RPH3A: variants seen among roughly 807,000 people sequenced by gnomAD.
The protein encoded by RPH3A is rabphilin 3A.
Under a neutral mutation model 102.2 loss-of-function variants are expected in RPH3A, and 48 were observed. The observed-to-expected ratio is 0.47, with a 90% CI of 0.37 to 0.60. The LOEUF is 0.60. Among genes scored for constraint, RPH3A ranks in the 20% least tolerant of loss-of-function variants. The pLI is 0.00. For synonymous variants in RPH3A, 310 were observed against 324.3 expected, an observed-to-expected ratio of 0.96 and a Z score of 0.47; for missense variants, 781 against 910.1, an observed-to-expected ratio of 0.86 and a Z score of 1.83.
At chr12:112,771,797 G>T (rs569381141) in intron 1 of RPH3A, among the ~76,000 whole-genome samples, 22 of 152,236 alleles carry the variant, frequency 1.4e-4, no homozygotes, top group Non-Finnish European at 3.2e-4. Flanking sequence ...AATCTATTTA[G>T]TAAGTTGTAA....
intron 1 of RPH3A, among the ~76,000 whole-genome samples, chr12:112,772,761 T>TG (rs918439824): frequency 1.3e-5 from 2 of 152,050 alleles, no homozygotes; most frequent in Non-Finnish European, 2.9e-5. Context: ...CATAAGTTAT[T>TG]GGGGTACAGG....
At chr12:112,774,877 T>C (rs2040954976) in intron 1 of RPH3A, among the ~76,000 whole-genome samples, 1 of 152,108 alleles carries the variant, frequency 6.6e-6, no homozygotes, top group African/African-American at 2.4e-5. Flanking sequence ...ATCTAGGTGA[T>C]GGGATGATCT....
chr12:112,721,322 T>C (rs968268813), intron 1 of RPH3A, among the ~76,000 whole-genome samples: 1 of 152,172 alleles, frequency 6.6e-6, no homozygotes, highest in African/African-American at 2.4e-5. Flanking sequence ...TCTCCAAATA[T>C]GCCTAGCTTA....
intron 1 of RPH3A, among the ~76,000 whole-genome samples, chr12:112,696,231 G>C (rs369197214): frequency 5.5e-4 from 83 of 152,226 alleles, no homozygotes; most frequent in African/African-American, 2.0e-3. Context: ...TTATCCACTC[G>C]TTGGTTGATG....
intron 2 of RPH3A, among the ~76,000 whole-genome samples, chr12:112,826,442 G>A (rs951730918): frequency 5.9e-5 from 9 of 152,090 alleles, no homozygotes; most frequent in East Asian, 1.9e-4. Flanking sequence ...TTGCTTTTTC[G>A]GGATGAAGGG....
At chr12:112,865,293 G>C (rs1399539730) in intron 5 of RPH3A, 121 bp from the exon 6 acceptor site, 2 of 1,192,280 alleles carry the variant, frequency 1.7e-6, no homozygotes, top group African/African-American at 3.1e-5. Context: ...GTTCACAACT[G>C]TCATCAGACG....
At chr12:112,608,722 G>A (rs577382114) in intron 1 of RPH3A, among the ~76,000 whole-genome samples, 5 of 152,320 alleles carry the variant, frequency 3.3e-5, no homozygotes, top group Admixed American at 1.3e-4. Flanking sequence ...GATAAAAGGG[G>A]AGGCAGACAC....
intron 1 of RPH3A, among the ~76,000 whole-genome samples, chr12:112,649,922 G>A (rs1210709079): frequency 6.6e-6 from 1 of 152,152 alleles, no homozygotes; most frequent in Non-Finnish European, 1.5e-5. Context: ...TCTTATAAGG[G>A]TTCCACCCTA....
At chr12:112,853,885 C>A (rs1453679949) in intron 5 of RPH3A, among the ~76,000 whole-genome samples, 1 of 151,884 alleles carries the variant, frequency 6.6e-6, no homozygotes, top group African/African-American at 2.4e-5. Flanking sequence ...TCGATGCCTG[C>A]CATAAAAGAA....
At chr12:112,613,535 T>G (rs2039655103) in intron 1 of RPH3A, among the ~76,000 whole-genome samples, 3 of 152,094 alleles carry the variant, frequency 2.0e-5, no homozygotes, top group Admixed American at 2.0e-4. Flanking sequence ...GATCTTGAGA[T>G]GTAGAGATGA....
chr12:112,859,159 GTCCT>G (rs2042466174), intron 5 of RPH3A, among the ~76,000 whole-genome samples: 1 of 152,102 alleles, frequency 6.6e-6, no homozygotes, highest in Non-Finnish European at 1.5e-5. Context: ...GTCATCAAGG[GTCCT>G]TCCATTTCAA....
At chr12:112,788,939 G>A (rs758626256), upstream of RPH3A, among the ~76,000 whole-genome samples, 1 of 152,068 alleles carries the variant, frequency 6.6e-6, no homozygotes, top group Non-Finnish European at 1.5e-5. Flanking sequence ...TGGGCAGGTC[G>A]CTTGAGGTCA....
intron 1 of RPH3A, among the ~76,000 whole-genome samples, chr12:112,634,140 A>G (rs1392416028): frequency 6.6e-6 from 1 of 152,070 alleles, no homozygotes; most frequent in Non-Finnish European, 1.5e-5. Flanking sequence ...CAAGGTAAGG[A>G]GTTCGAGACC....
chr12:112,703,377 T>C (rs1245962448), intron 1 of RPH3A, among the ~76,000 whole-genome samples: 2 of 152,232 alleles, frequency 1.3e-5, no homozygotes, highest in Non-Finnish European at 2.9e-5. Flanking sequence ...CATTGTAAAA[T>C]AGACTTTCCC....
chr12:112,678,328 AGAAGGAAG>A (rs1422589663), intron 1 of RPH3A, among the ~76,000 whole-genome samples: 4 of 49,836 alleles, frequency 8.0e-5, no homozygotes, highest in East Asian at 2.1e-3. Context: ...AAAGAAAGAA[AGAAGGAAG>A]GAAGGAAGGA....
chr12:112,869,646 TA>T, intron 8 of RPH3A, 112 bp from the exon 9 acceptor site: 1 of 1,036,370 alleles, frequency 9.6e-7, no homozygotes, highest in South Asian at 1.5e-5. Flanking sequence ...TTTTAATTTT[TA>T]AAACATATTC....
intron 1 of RPH3A, among the ~76,000 whole-genome samples, chr12:112,622,053 T>C (rs2039734203): frequency 6.7e-6 from 1 of 149,710 alleles, no homozygotes; most frequent in Non-Finnish European, 1.5e-5. Flanking sequence ...CGAAAACCCA[T>C]CTGTACATCA....
At chr12:112,783,682 T>C (rs1303930586) in intron 1 of RPH3A, among the ~76,000 whole-genome samples, 1 of 152,224 alleles carries the variant, frequency 6.6e-6, no homozygotes, top group Non-Finnish European at 1.5e-5. Context: ...TACATATTAT[T>C]ATTAGTATCC....
intron 1 of RPH3A, among the ~76,000 whole-genome samples, chr12:112,667,189 T>C (rs1175495015): frequency 6.6e-6 from 1 of 152,168 alleles, no homozygotes; most frequent in African/African-American, 2.4e-5. Flanking sequence ...GGTAATCTCA[T>C]TCAGTCTTAA....
Sources: allele counts gnomAD v4.1 joint callset (sites outside exome capture counted in the v4.1 genomes callset), GRCh38; gene constraint gnomAD v4.1.1; transcripts MANE v1.5; gene names NCBI Gene and HGNC (gene_info 2026-07-23, HGNC 2026-07-21).